The following HS3ST4 variants were observed in gnomAD, a reference collection of about 807,000 sequenced individuals.
The protein encoded by HS3ST4 is heparan sulfate glucosamine 3-O-sulfotransferase 4.
A neutral mutation model predicts 29.2 loss-of-function variants in HS3ST4; 17 were observed. The ratio of observed to expected loss-of-function variants is 0.58; its 90% CI spans 0.40 to 0.87. The LOEUF (loss-of-function observed/expected upper bound fraction) is 0.87, where lower values mean the gene tolerates loss of function less well. Among genes scored for constraint, HS3ST4 ranks in the 40% least tolerant of loss-of-function variants. The pLI, the probability that HS3ST4 is intolerant of heterozygous loss-of-function variation, is 0.00. For synonymous variants in HS3ST4, 314 were observed against 285.7 expected (o/e 1.10, Z -1.00); for missense variants, 627 against 634.5 (o/e 0.99, Z 0.13).
chr16:25,713,902 C>T (rs1029318352), intron 1 of HS3ST4, among the ~76,000 whole-genome samples: 1 of 152,162 alleles, frequency 6.6e-6, no homozygotes, highest in Non-Finnish European at 1.5e-5. Context: ...CTTGGATGGC[C>T]TTGCTACCTC....
intron 1 of HS3ST4, among the ~76,000 whole-genome samples, chr16:25,956,647 G>A (rs1007602779): frequency 6.6e-6 from 1 of 152,042 alleles, no homozygotes; most frequent in African/African-American, 2.4e-5. Context: ...CTTTTATATG[G>A]CTGCATGTGG....
At chr16:26,112,381 CTTTTTTTTTT>C (rs386384539) in intron 1 of HS3ST4, among the ~76,000 whole-genome samples, 1 of 111,974 alleles carries the variant, frequency 8.9e-6, no homozygotes, top group South Asian at 3.4e-4. Context: ...GCCTCTACAT[CTTTTTTTTTT>C]TTTTTTTTTG....
chr16:25,889,207 A>G (rs1967983362), intron 1 of HS3ST4, among the ~76,000 whole-genome samples: 1 of 152,186 alleles, frequency 6.6e-6, no homozygotes. Flanking sequence ...CCGGAGATGC[A>G]TTAGCTGGAT....
At chr16:25,816,218 A>G (rs1223946885) in intron 1 of HS3ST4, among the ~76,000 whole-genome samples, 1 of 152,100 alleles carries the variant, frequency 6.6e-6, no homozygotes, top group Admixed American at 6.6e-5. Flanking sequence ...GCTGCATGAG[A>G]CCATTTCTGA....
chr16:25,812,073 GC>G (rs1967047817), intron 1 of HS3ST4, among the ~76,000 whole-genome samples: 1 of 152,112 alleles, frequency 6.6e-6, no homozygotes, highest in African/African-American at 2.4e-5. Context: ...CTGTTGATGG[GC>G]ATTGAGGTTG....
At position 26,009,509 on chromosome 16, in the gene HS3ST4, C is replaced by T. The variant is rs548583799; in HGVS notation, c.735-126103C>T. Reference sequence around the variant, plus strand: ...TTTGCTGCAGTAAGATCCTCAAATACCAGTGACTTAACACAGTAAAGAGGC... The same window carrying T: ...TTTGCTGCAGTAAGATCCTCAAATATCAGTGACTTAACACAGTAAAGAGGC... On this transcript the variant is annotated intron_variant, in intron 1 of 1. Coordinates refer to ENST00000331351, the MANE Select transcript of HS3ST4 (RefSeq NM_006040.3). 2.6e-5 allele frequency among the ~76,000 whole-genome samples: 4 copies of T among 152,242 alleles called. No homozygotes were observed. The East Asian group carries it at 7.7e-4, about 29-fold the overall frequency.
At chr16:26,060,367 T>C (rs1162798614) in intron 1 of HS3ST4, among the ~76,000 whole-genome samples, 1 of 152,176 alleles carries the variant, frequency 6.6e-6, no homozygotes, top group Non-Finnish European at 1.5e-5. Context: ...TCCCACCAGA[T>C]TAACTTCAAT....
chr16:25,915,634 C>T (rs766744058), intron 1 of HS3ST4, among the ~76,000 whole-genome samples: 1 of 152,218 alleles, frequency 6.6e-6, no homozygotes, highest in Admixed American at 6.5e-5. Context: ...CCTCAGCTGA[C>T]GTCTCCCATC....
chr16:25,828,242 C>CTGTCTGTCTTTCTTTCTT (rs1371928058), intron 1 of HS3ST4, among the ~76,000 whole-genome samples: 3 of 75,016 alleles, frequency 4.0e-5, no homozygotes, highest in Admixed American at 1.5e-4. Flanking sequence ...TTCTTTCTTT[C>CTGTCTGTCTTTCTTTCTT]TCTTTCTTTC....
At chr16:26,103,872 T>C (rs539220765) in intron 1 of HS3ST4, among the ~76,000 whole-genome samples, 1 of 152,176 alleles carries the variant, frequency 6.6e-6, no homozygotes, top group Non-Finnish European at 1.5e-5. Flanking sequence ...GTAGATAAAA[T>C]ATAAGACAAC....
At chr16:25,739,748 G>A (rs1966639535) in intron 1 of HS3ST4, among the ~76,000 whole-genome samples, 1 of 152,198 alleles carries the variant, frequency 6.6e-6, no homozygotes, top group South Asian at 2.1e-4. Context: ...AGATGATGAT[G>A]TTGGTTATTG....
At chr16:26,098,232 C>T (rs769483893) in intron 1 of HS3ST4, among the ~76,000 whole-genome samples, 14 of 152,094 alleles carry the variant, frequency 9.2e-5, no homozygotes, top group South Asian at 2.1e-4. Context: ...TCCCATTACT[C>T]GGTATATACC....
intron 1 of HS3ST4, among the ~76,000 whole-genome samples, chr16:26,076,679 G>C (rs893264272): frequency 6.6e-6 from 1 of 152,180 alleles, no homozygotes; most frequent in Admixed American, 6.5e-5. Flanking sequence ...AGGATTAATT[G>C]AGGTAACCAG....
At chr16:25,847,638 C>T (rs1173895465) in intron 1 of HS3ST4, among the ~76,000 whole-genome samples, 1 of 152,066 alleles carries the variant, frequency 6.6e-6, no homozygotes, top group Non-Finnish European at 1.5e-5. Flanking sequence ...TTTGCTAATA[C>T]TCTTTATCAG....
At chr16:25,945,139 C>T (rs567900517) in intron 1 of HS3ST4, among the ~76,000 whole-genome samples, 2 of 152,244 alleles carry the variant, frequency 1.3e-5, no homozygotes, top group African/African-American at 4.8e-5. Flanking sequence ...ATGTATCAGA[C>T]CATCTCCTAC....
chr16:25,863,095 T>C (rs1316587939), intron 1 of HS3ST4, among the ~76,000 whole-genome samples: 2 of 152,230 alleles, frequency 1.3e-5, no homozygotes, highest in Non-Finnish European at 2.9e-5. Context: ...CTCATTTTTC[T>C]ATCCTCTAAC....
chr16:25,854,918 G>C (rs1320821852), intron 1 of HS3ST4, among the ~76,000 whole-genome samples: 14 of 152,174 alleles, frequency 9.2e-5, no homozygotes, highest in Non-Finnish European at 1.5e-5. Context: ...GTTGGCCTGG[G>C]GAACAATCTC....
intron 1 of HS3ST4, among the ~76,000 whole-genome samples, chr16:25,788,189 A>C (rs1238340890): frequency 1.3e-5 from 2 of 152,240 alleles, no homozygotes; most frequent in Non-Finnish European, 1.5e-5. Context: ...GAGAAGTGTG[A>C]ATCACCTGAG....
rs1966268262 is a variant in HS3ST4 at position 25,692,996 on chromosome 16, G to A, written c.579G>A (p.Gly193=). The change falls in exon 1 of 2, where the codon GGG becomes GGA. Residue 193 remains glycine, a synonymous_variant. Transcript: ENST00000331351. Reference sequence around the variant, plus strand: ...GCGCCGTCAGCACCCCCGACTATGGGGAGAAGAAGCTGCCACAGGCGCTCA... The same window carrying A: ...GCGCCGTCAGCACCCCCGACTATGGAGAGAAGAAGCTGCCACAGGCGCTCA... ...RGGAVSTPDY[G]EKKLPQALII... is the part of the protein sequence containing the mutation. The A allele has an allele frequency of 5.6e-6, 9 of 1,611,562 alleles. No individual in the cohort carries two copies. The highest frequency in any genetic ancestry group is 7.6e-6 in the Non-Finnish European group (9 of 1,179,382).
Sources: gnomAD v4.1 joint callset for allele counts (sites outside exome capture counted in the v4.1 genomes callset) on GRCh38, gnomAD v4.1.1 for gene constraint, MANE v1.5 for transcripts, NCBI Gene and HGNC (gene_info 2026-07-23, HGNC 2026-07-21) for gene names.